The following FBXL20 variants were observed in gnomAD, a reference collection of about 807,000 sequenced individuals.
FBXL20 encodes F-box/LRR-repeat protein 20.
FBXL20 carries 11 observed loss-of-function variants against 64.0 expected under a neutral mutation model. The ratio of observed to expected loss-of-function variants is 0.17; its 90% CI spans 0.11 to 0.28. The LOEUF (loss-of-function observed/expected upper bound fraction) is 0.28. Ranked by LOEUF, FBXL20 falls within the 10% of genes least tolerant of loss-of-function variation. The probability of loss-of-function intolerance (pLI) is 1.00; values close to 1 mark genes in which losing one functional copy is unlikely to be tolerated. For missense variants in FBXL20, 303 were observed against 526.2 expected (o/e 0.58, Z 4.15); for synonymous variants, 184 against 189.0 (o/e 0.97, Z 0.22).
intron 1 of FBXL20, among the ~76,000 whole-genome samples, chr17:39,401,001 A>C (rs2144696429): frequency 6.6e-6 from 1 of 152,350 alleles, no homozygotes; most frequent in Non-Finnish European, 1.5e-5. Flanking sequence ...AGCAGCGAGA[A>C]AAGCAGCAGG....
At chr17:39,275,944 T>G (rs2046886740) in intron 9 of FBXL20, among the ~76,000 whole-genome samples, 1 of 152,056 alleles carries the variant, frequency 6.6e-6, no homozygotes, top group African/African-American at 2.4e-5. Flanking sequence ...GACACAATTT[T>G]GTATTTTTTA....
At chr17:39,313,722 A>G (rs998681403) in intron 2 of FBXL20, among the ~76,000 whole-genome samples, 2 of 151,468 alleles carry the variant, frequency 1.3e-5, no homozygotes, top group Admixed American at 1.3e-4. Flanking sequence ...AGCAACCTCT[A>G]CCTCCTGGGT....
intron 1 of FBXL20, among the ~76,000 whole-genome samples, chr17:39,353,191 C>T (rs954459147): frequency 6.6e-5 from 10 of 152,012 alleles, no homozygotes; most frequent in African/African-American, 2.4e-4. Flanking sequence ...AATATTTAAG[C>T]CACTTTTAAT....
chr17:39,371,192 G>T (rs935682714), intron 1 of FBXL20, among the ~76,000 whole-genome samples: 1 of 152,218 alleles, frequency 6.6e-6, no homozygotes, highest in South Asian at 2.1e-4. Context: ...CAATGAGGGC[G>T]AAACTCCACC....
chr17:39,347,883 G>A (rs545321602), intron 1 of FBXL20, among the ~76,000 whole-genome samples: 2 of 152,128 alleles, frequency 1.3e-5, no homozygotes, highest in East Asian at 3.9e-4. Flanking sequence ...GTGTAAGGAA[G>A]GGATCCAGTT....
At chr17:39,318,873 G>A (rs975961504) in intron 2 of FBXL20, among the ~76,000 whole-genome samples, 5 of 152,082 alleles carry the variant, frequency 3.3e-5, no homozygotes, top group African/African-American at 1.2e-4. Context: ...AAATGTAAGC[G>A]GAAATCTCCT....
In FBXL20 at chr17:39,254,245, C is replaced by T. The variant is rs915860931; in HGVS notation, c.*7215G>A. ...TATTTTCAGTAGAGATGGGGTTTCA[C>T]CATGTTGGCCAGGCTGTTCTCAAAC... On this transcript the variant is annotated 3_prime_UTR_variant, in exon 15 of 15. Coordinates refer to ENST00000264658, the MANE Select transcript of FBXL20 (RefSeq NM_032875.3). 1 of 152,162 alleles carries T rather than the reference C, an allele frequency of 6.6e-6. No individual in the cohort carries two copies. The highest frequency in any genetic ancestry group is 1.5e-5 in the Non-Finnish European group (1 of 68,058). 9.4% of individuals were successfully genotyped at this position (152,162 alleles called of 1,614,324 possible).
intron 2 of FBXL20, among the ~76,000 whole-genome samples, chr17:39,324,265 C>T (rs1282359230): frequency 6.7e-6 from 1 of 149,520 alleles, no homozygotes. Context: ...AGGAATCTAT[C>T]TTTTCTAAAC....
chr17:39,399,090 A>AT (rs375043608), intron 1 of FBXL20, among the ~76,000 whole-genome samples: 22 of 152,354 alleles, frequency 1.4e-4, no homozygotes, highest in African/African-American at 5.3e-4. Context: ...GATTTCAATG[A>AT]ATCAACTATC....
chr17:39,319,804 G>A (rs1422903544), intron 2 of FBXL20, among the ~76,000 whole-genome samples: 1 of 149,824 alleles, frequency 6.7e-6, no homozygotes, highest in Non-Finnish European at 1.5e-5. Flanking sequence ...AATAGAGACC[G>A]GGTCTCGCTG....
At chr17:39,399,997 G>T (rs2048225836) in intron 1 of FBXL20, among the ~76,000 whole-genome samples, 1 of 152,012 alleles carries the variant, frequency 6.6e-6, no homozygotes, top group Admixed American at 6.6e-5. Context: ...TGACATTCTG[G>T]GTTTTTACGG....
At chr17:39,317,995 C>T (rs745981676) in intron 2 of FBXL20, among the ~76,000 whole-genome samples, 41 of 152,004 alleles carry the variant, frequency 2.7e-4, no homozygotes, top group Middle Eastern at 6.8e-3. Context: ...CCACCGCTCG[C>T]GGCCTCACTT....
chr17:39,293,416 T>G (rs2047058315), intron 6 of FBXL20, among the ~76,000 whole-genome samples: 2 of 151,410 alleles, frequency 1.3e-5, no homozygotes, highest in Non-Finnish European at 2.9e-5. Flanking sequence ...AGAGATGGGG[T>G]TTCACCATGT....
intron 1 of FBXL20, among the ~76,000 whole-genome samples, chr17:39,368,385 T>C (rs188104664): frequency 2.6e-5 from 4 of 152,154 alleles, no homozygotes; most frequent in Admixed American, 6.5e-5. Context: ...AAGCAAGACC[T>C]TGTCTCTAAA....
At chr17:39,343,387 T>C in intron 1 of FBXL20, 146 bp from the exon 2 acceptor site, 1 of 538,140 alleles carries the variant, frequency 1.9e-6, no homozygotes, top group South Asian at 3.4e-5. Context: ...TTGGAAACTC[T>C]TTAAGATGAA....
intron 1 of FBXL20, among the ~76,000 whole-genome samples, chr17:39,360,326 A>C (rs1195599337): frequency 6.6e-6 from 1 of 152,236 alleles, no homozygotes; most frequent in South Asian, 2.1e-4. Flanking sequence ...GACAGGTTTC[A>C]TAACAATGTG....
Position 39,401,466 on chromosome 17 carries a change from A to G in FBXL20, c.-64T>C, listed in dbSNP as rs1405220995. On this transcript the variant is annotated 5_prime_UTR_variant, in exon 1 of 15. Coordinates refer to ENST00000264658, the MANE Select transcript of FBXL20 (RefSeq NM_032875.3). Reference sequence around the variant, plus strand: ...AGCGGAGTGCACAGACCGGGGGCCCAGGACAGGCCCGGGAGTTCCGGGACG... The same window carrying G: ...AGCGGAGTGCACAGACCGGGGGCCCGGGACAGGCCCGGGAGTTCCGGGACG... 1.9e-6 allele frequency: 3 copies of G among 1,542,138 alleles called. No homozygotes were observed. The highest frequency in any genetic ancestry group is 2.6e-6 in the Non-Finnish European group (3 of 1,145,326).
chr17:39,373,168 C>T (rs2144639730), intron 1 of FBXL20, among the ~76,000 whole-genome samples: 1 of 152,180 alleles, frequency 6.6e-6, no homozygotes, highest in South Asian at 2.1e-4. Context: ...GAGAGGAATG[C>T]CTCTTCCCCA....
In FBXL20 at chr17:39,303,533, TATC is replaced by T. The variant is rs1469860360; in HGVS notation, c.159+49_159+51del. On this transcript the variant is annotated intron_variant, in intron 3 of 14. Transcript: ENST00000264658. ...ATGGATGGCCTATGAAAGAGGCTGT[TATC>T]ATCAGTATGAAGAAGGGGTCCCCCT... is the stretch of plus-strand genomic sequence containing the variant. 2.1e-5 allele frequency: 31 copies of T among 1,464,418 alleles called. No individual in the cohort carries two copies. The Admixed American group carries it at 4.5e-4, about 21-fold the overall frequency. The allele number at this position is 1,464,418 out of a possible 1,614,324, so 90.7% of individuals were successfully genotyped here.
Sources: allele counts gnomAD v4.1 joint callset (sites outside exome capture counted in the v4.1 genomes callset), GRCh38; gene constraint gnomAD v4.1.1; transcripts MANE v1.5; gene names NCBI Gene and HGNC (gene_info 2026-07-23, HGNC 2026-07-21).